The following DOCK9 variants were observed in gnomAD, a reference collection of about 807,000 sequenced individuals.
DOCK9 encodes dedicator of cytokinesis 9, also known as dedicator of cytokinesis protein 9.
Under a neutral mutation model 263.3 loss-of-function variants are expected in DOCK9, and 89 were observed. That is an observed-to-expected ratio of 0.34 (90% CI 0.28 to 0.40). The LOEUF is 0.40. DOCK9 is among the 10% of genes least tolerant of loss of function. The probability of loss-of-function intolerance (pLI) is 1.00; values close to 1 mark genes in which losing one functional copy is unlikely to be tolerated. For missense variants in DOCK9, 2,140 were observed against 2,603.4 expected (o/e 0.82, Z 3.87); for synonymous variants, 976 against 973.1 (o/e 1.00, Z -0.06).
At position 98,888,431 on chromosome 13, in the gene DOCK9, T is replaced by C; in HGVS notation, c.1906A>G (p.Thr636Ala). The C allele has an allele frequency of 6.2e-7, 1 of 1,613,334 alleles. No individual in the cohort carries two copies. Among genetic ancestry groups the C allele is most frequent in the Non-Finnish European group, 8.5e-7 (1 of 1,179,644 alleles). The change falls in exon 17 of 53, where the codon ACC becomes GCC. Residue 636 changes from threonine (T) to alanine (A), a missense_variant. Thr to Ala is a moderately conservative substitution (Grantham distance 58). Transcript: ENST00000682017. ...PCIPKHTQPY[T>A]IYTNHLYVYP... ...ACGTAAAGGTGATTGGTGTAGATGGTGTAAGGCTGAGTGTGTTTTGGTATG... is the reference window on the plus strand; with the variant it reads ...ACGTAAAGGTGATTGGTGTAGATGGCGTAAGGCTGAGTGTGTTTTGGTATG...
At chr13:98,845,572 TG>T (rs1383393899) in intron 38 of DOCK9, among the ~76,000 whole-genome samples, 6 of 152,352 alleles carry the variant, frequency 3.9e-5, no homozygotes, top group Admixed American at 6.5e-5. Flanking sequence ...TTCTCAGAGT[TG>T]CAGGGGAAAG....
intron 45 of DOCK9, among the ~76,000 whole-genome samples, chr13:98,815,464 A>AT (rs971962910): frequency 1.3e-5 from 2 of 151,446 alleles, no homozygotes; most frequent in African/African-American, 2.4e-5. Context: ...GAAATGTAAA[A>AT]TTTTTTTTTG....
At chr13:98,902,105 G>A (rs1351965393) in intron 12 of DOCK9, among the ~76,000 whole-genome samples, 183 bp downstream of exon 12, 1 of 152,198 alleles carries the variant, frequency 6.6e-6, no homozygotes, top group African/African-American at 2.4e-5. Flanking sequence ...TTAGAAAGAA[G>A]AAAGGAAATT....
chr13:98,920,066 A>C (rs1333417744), intron 7 of DOCK9, among the ~76,000 whole-genome samples: 2 of 152,198 alleles, frequency 1.3e-5, no homozygotes, highest in Non-Finnish European at 2.9e-5. Flanking sequence ...GATGATGGAC[A>C]GGGAAATTGA....
At chr13:99,060,390 T>C (rs2041134988) in intron 1 of DOCK9, among the ~76,000 whole-genome samples, 1 of 152,138 alleles carries the variant, frequency 6.6e-6, no homozygotes, top group South Asian at 2.1e-4. Flanking sequence ...TTATTTCTAC[T>C]TTTTGGCTAT....
chr13:98,946,855 T>C (rs776964824), intron 2 of DOCK9, among the ~76,000 whole-genome samples: 20 of 152,182 alleles, frequency 1.3e-4, no homozygotes, highest in Non-Finnish European at 2.9e-4. Flanking sequence ...ATGGAGAGAC[T>C]GTCTGCCCTC....
intron 1 of DOCK9, among the ~76,000 whole-genome samples, chr13:99,057,449 G>A (rs2040979533): frequency 6.6e-6 from 1 of 152,142 alleles, no homozygotes; most frequent in Non-Finnish European, 1.5e-5. Context: ...TCCTGGGTGA[G>A]CTGAGGACCA....
chr13:98,892,359 C>T (rs1231355962), intron 15 of DOCK9, among the ~76,000 whole-genome samples: 2 of 152,168 alleles, frequency 1.3e-5, no homozygotes, highest in African/African-American at 4.8e-5. Flanking sequence ...AGCCGGTCTT[C>T]CCTTCCTGAC....
upstream of DOCK9, among the ~76,000 whole-genome samples, chr13:99,087,385 C>G (rs2042372148): frequency 6.6e-6 from 1 of 152,212 alleles, no homozygotes; most frequent in African/African-American, 2.4e-5. Flanking sequence ...CTGAGGACAA[C>G]GGCCTGGAAG....
At chr13:99,013,738 G>T (rs56118933) in intron 1 of DOCK9, among the ~76,000 whole-genome samples, 33,513 of 151,940 alleles carry the variant, frequency 0.22, 3,682 homozygotes, top group Middle Eastern at 0.3. Context: ...CAGACACACA[G>T]GTGAAGAGAA....
chr13:98,912,383 T>C (rs2050197799), intron 9 of DOCK9, among the ~76,000 whole-genome samples: 1 of 152,176 alleles, frequency 6.6e-6, no homozygotes. Flanking sequence ...CTACAATTCA[T>C]GTTTGAGCAT....
At chr13:98,856,300 C>A in intron 33 of DOCK9, 1 of 295,462 alleles carries the variant, frequency 3.4e-6, no homozygotes, top group Non-Finnish European at 6.3e-6. Flanking sequence ...ATACCTGTTT[C>A]AGAATGTGAT....
At chr13:99,015,411 T>C in intron 1 of DOCK9, 1 of 1,518,402 alleles carries the variant, frequency 6.6e-7, no homozygotes. Context: ...TCTAACACCA[T>C]TAAACTACTT....
intron 27 of DOCK9, chr13:98,872,124 G>A (rs2094203628): frequency 6.6e-6 from 1 of 152,410 alleles, no homozygotes; most frequent in African/African-American, 2.4e-5. Flanking sequence ...CTTCGGAATG[G>A]TCTTCAAATG....
In DOCK9 at chr13:98,901,864, A is replaced by G. The variant is rs762640525; in HGVS notation, c.1417T>C (p.Phe473Leu). 16 of 1,612,756 alleles carry G rather than the reference A, an allele frequency of 9.9e-6. No individual in the cohort carries two copies. In the East Asian group the frequency reaches 3.1e-4, roughly 31 times the overall value. The change falls in exon 13 of 53, where the codon TTT becomes CTT. Residue 473 changes from phenylalanine to leucine, a missense_variant. Around this residue, in one of 2 missense-constraint regions of DOCK9, gnomAD observed 1,521 missense variants for 1,741.7 expected, o/e 0.87. Transcript: ENST00000682017. Reference sequence around the variant, plus strand: ...ACTTTTTCAATTCTGGCCACAAGAAATATATCTGGATGAGGACAAGTGACT... The same window carrying G: ...ACTTTTTCAATTCTGGCCACAAGAAGTATATCTGGATGAGGACAAGTGACT... ...FSVTCPHPDI[F>L]LVARIEKVLQ...
chr13:98,905,992 T>C (rs1369684195), intron 9 of DOCK9, among the ~76,000 whole-genome samples: 1 of 152,176 alleles, frequency 6.6e-6, no homozygotes, highest in African/African-American at 2.4e-5. Context: ...GATTAACAAA[T>C]CCCACATTTC....
intron 45 of DOCK9, among the ~76,000 whole-genome samples, chr13:98,814,835 G>A (rs2140363573): frequency 6.6e-6 from 1 of 152,110 alleles, no homozygotes; most frequent in Non-Finnish European, 1.5e-5. Flanking sequence ...CAGGTACTTG[G>A]GAGGCTGAGG....
At chr13:98,999,314 A>ACTCTCT (rs1277358248) in intron 1 of DOCK9, among the ~76,000 whole-genome samples, 1 of 107,968 alleles carries the variant, frequency 9.3e-6, no homozygotes, top group African/African-American at 4.2e-5. Context: ...ACACACACAC[A>ACTCTCT]CACTCTCTCT....
chr13:98,835,102 T>A (rs1167693699), intron 39 of DOCK9, among the ~76,000 whole-genome samples: 1 of 152,254 alleles, frequency 6.6e-6, no homozygotes, highest in African/African-American at 2.4e-5. Context: ...AGGAAGCTCA[T>A]GTAATAATAA....
Sources: gnomAD v4.1 joint callset for allele counts (sites outside exome capture counted in the v4.1 genomes callset) on GRCh38, gnomAD v4.1.1 for gene constraint, gnomAD v4.1.1 regional missense constraint, MANE v1.5 for transcripts, NCBI Gene and HGNC (gene_info 2026-07-23, HGNC 2026-07-21) for gene names.